DNAAF1: variants seen among roughly 807,000 people sequenced by gnomAD.
DNAAF1 encodes dynein axonemal assembly factor 1, also known as dynein assembly factor 1, axonemal.
DNAAF1 carries 65 observed loss-of-function variants against 71.1 expected under a neutral mutation model. The observed-to-expected ratio is 0.91, with a 90% CI of 0.75 to 1.12. The LOEUF (loss-of-function observed/expected upper bound fraction) is 1.12, where lower values mean the gene tolerates loss of function less well. Among genes scored for constraint, DNAAF1 ranks in the 50% most tolerant of loss-of-function variants. The pLI, the probability that DNAAF1 is intolerant of heterozygous loss-of-function variation, is 0.00. For synonymous variants in DNAAF1, 414 were observed against 354.6 expected (o/e 1.17, Z -1.88); for missense variants, 1,178 against 899.8 (o/e 1.31, Z -3.96).
chr16:84,163,310 G>A (rs1253171603), intron 6 of DNAAF1, among the ~76,000 whole-genome samples: 2 of 151,516 alleles, frequency 1.3e-5, no homozygotes, highest in East Asian at 3.9e-4. Flanking sequence ...AGTGTAGGAA[G>A]GTTCCAATTT....
chr16:84,159,885 GA>G lies in DNAAF1; in HGVS notation c.863+92del. ...AACTTTTTAAATTTCTGATTCTTGA[GA>G]AATTTCACATATCAAAAATGTTCTT... On this transcript the variant is annotated intron_variant, in intron 6 of 11. Transcript: ENST00000378553. 2.0e-6 allele frequency: 3 copies of G among 1,489,042 alleles called. No homozygotes were observed. The South Asian group carries it at 3.5e-5, about 18-fold the overall frequency. 92.2% of individuals were successfully genotyped at this position (1,489,042 alleles called of 1,614,324 possible).
intron 8 of DNAAF1, among the ~76,000 whole-genome samples, chr16:84,171,986 T>TCCTG (rs1390967218): frequency 6.6e-6 from 1 of 151,664 alleles, no homozygotes; most frequent in East Asian, 1.9e-4. Context: ...CAAGCTATTC[T>TCCTG]CCTGCCTCAG....
At chr16:84,164,958 G>A (rs1180636603) in intron 6 of DNAAF1, among the ~76,000 whole-genome samples, 11 of 152,250 alleles carry the variant, frequency 7.2e-5, no homozygotes, top group Middle Eastern at 3.4e-3. Flanking sequence ...TAGCCATCTT[G>A]TAGCCATATC....
intron 1 of DNAAF1, among the ~76,000 whole-genome samples, chr16:84,147,558 G>A (rs2086970702): frequency 1.3e-5 from 2 of 151,574 alleles, no homozygotes; most frequent in Admixed American, 6.6e-5. Flanking sequence ...TGTTACCCAG[G>A]CTAGATCTTC....
At chr16:84,146,534 T>C (rs2086919642) in intron 1 of DNAAF1, among the ~76,000 whole-genome samples, 1 of 152,082 alleles carries the variant, frequency 6.6e-6, no homozygotes, top group Admixed American at 6.5e-5. Context: ...CTGGCCAACA[T>C]ATTGAAACCC....
At chr16:84,153,140 T>C (rs1200029725) in intron 3 of DNAAF1, among the ~76,000 whole-genome samples, 1 of 151,992 alleles carries the variant, frequency 6.6e-6, no homozygotes, top group Non-Finnish European at 1.5e-5. Flanking sequence ...GTTGTGGCTA[T>C]CTTAAAGAAA....
chr16:84,170,447 G>A (rs2088271170), intron 8 of DNAAF1, 91 bp downstream of exon 8: 1 of 1,585,148 alleles, frequency 6.3e-7, no homozygotes, highest in Non-Finnish European at 8.6e-7. Flanking sequence ...TGGGGCCTGA[G>A]TTTCACTTCT....
chr16:84,168,791 C>G (rs901808002), intron 7 of DNAAF1, among the ~76,000 whole-genome samples: 1 of 149,744 alleles, frequency 6.7e-6, no homozygotes, highest in Non-Finnish European at 1.5e-5. Flanking sequence ...TTAATAGATT[C>G]TGTGGTTTTT....
chr16:84,176,324 A>G (rs2088654545), intron 11 of DNAAF1, 25 bp downstream of exon 11: 2 of 1,612,752 alleles, frequency 1.2e-6, no homozygotes, highest in Non-Finnish European at 1.7e-6. Context: ...CCGAGAGCAC[A>G]GTGGAGACAA....
chr16:84,169,614 T>C (rs917723540), intron 7 of DNAAF1, among the ~76,000 whole-genome samples: 1 of 151,526 alleles, frequency 6.6e-6, no homozygotes, highest in African/African-American at 2.4e-5. Flanking sequence ...GGAGATGGGG[T>C]TTCGTCATGT....
chr16:84,170,228 C>A lies in DNAAF1; in HGVS notation c.1400C>A (p.Thr467Asn), dbSNP rs753030611. 4 of 1,612,022 alleles carry A rather than the reference C, an allele frequency of 2.5e-6. No individual in the cohort carries two copies. The highest frequency in any genetic ancestry group is 1.7e-5 in the Admixed American group (1 of 59,616). The change falls in exon 8 of 12, where the codon ACC (threonine) becomes AAC (asparagine). Residue 467 changes from threonine to asparagine, a missense_variant. By Grantham distance (65) the Thr-to-Asn change is moderately conservative. Transcript: ENST00000378553. ...GEDGDQEPEGTLPAETLLLSP... is the reference protein window; with the variant it reads ...GEDGDQEPEGNLPAETLLLSP... ...GATGGAGATCAAGAGCCAGAGGGGA[C>A]CCTCCCAGCTGAGACCCTGCTACTG...
intron 5 of DNAAF1, chr16:84,159,134 C>G: frequency 1.0e-6 from 1 of 992,692 alleles, no homozygotes; most frequent in East Asian, 1.1e-4. Flanking sequence ...CCCCTTCCTC[C>G]TCCCTGGTCC....
intron 6 of DNAAF1, among the ~76,000 whole-genome samples, chr16:84,165,348 G>A (rs946051517): frequency 6.6e-6 from 1 of 151,928 alleles, no homozygotes. Flanking sequence ...TCTTTGAGTT[G>A]TCTTTTTACT....
chr16:84,162,802 G>T lies in DNAAF1; in HGVS notation c.864-2981G>T, dbSNP rs370788069. On this transcript the variant is annotated intron_variant, in intron 6 of 11. Coordinates refer to ENST00000378553, the MANE Select transcript of DNAAF1 (RefSeq NM_178452.6). The stretch of plus-strand genomic sequence containing the variant: ...CCACTGCACTCCAGCCTGGGTGACA[G>T]TGGGAGACTGTCTCAAAAAAACAAA... 1.6e-3 allele frequency among the ~76,000 whole-genome samples: 236 copies of T among 152,102 alleles called. 5 individuals carry two copies. The South Asian group carries it at 0.046, about 29-fold the overall frequency.
intron 4 of DNAAF1, among the ~76,000 whole-genome samples, chr16:84,155,260 G>A (rs530672622): frequency 6.6e-6 from 1 of 152,212 alleles, no homozygotes; most frequent in South Asian, 2.1e-4. Context: ...ATGGGGTCTT[G>A]CTCTGTCACC....
intron 3 of DNAAF1, 52 bp downstream of exon 3, chr16:84,150,394 A>G (rs2087127561): frequency 7.1e-7 from 1 of 1,418,398 alleles, no homozygotes; most frequent in Non-Finnish European, 1.0e-6. Flanking sequence ...GATTCTGTCT[A>G]GCGGTATAAA....
At chr16:84,148,596 C>CTTGTTTTTTTTTTTTTTTTTTTTTTTTTT (rs2087032019) in intron 1 of DNAAF1, among the ~76,000 whole-genome samples, 1 of 43,576 alleles carries the variant, frequency 2.3e-5, no homozygotes, top group African/African-American at 9.2e-5. Flanking sequence ...CTCTCTCTCT[C>CTTGTTTTTTTTTTTTTTTTTTTTTTTTTT]TTTTTTTTTT....
rs745857720 is a variant in DNAAF1 at position 84,165,791 on chromosome 16, C to T, written c.872C>T (p.Ala291Val). The T allele has an allele frequency of 3.2e-5, 52 of 1,613,260 alleles. No homozygotes were observed. The highest frequency in any genetic ancestry group is 4.0e-5 in the Non-Finnish European group (47 of 1,179,820). ...CTTTGTTTTTTAAACAGAGCTTGTG[C>T]GGAGGCCTGGGCTAGGGGAGGGTAC... is the stretch of plus-strand genomic sequence containing the variant. ...RPVFPKDRAC[A>V]EAWARGGYAA... The change falls in exon 7 of 12, where the codon GCG (alanine) becomes GTG (valine). Residue 291 changes from alanine (A) to valine (V), a missense_variant. By Grantham distance (64) the Ala-to-Val change is moderately conservative. Coordinates refer to ENST00000378553, the MANE Select transcript of DNAAF1 (RefSeq NM_178452.6).
chr16:84,147,408 C>G (rs911295016), intron 1 of DNAAF1, among the ~76,000 whole-genome samples: 1 of 152,098 alleles, frequency 6.6e-6, no homozygotes, highest in Admixed American at 6.6e-5. Flanking sequence ...TTGAATTGGC[C>G]AATTTTGAAT....
Sources: allele counts gnomAD v4.1 joint callset (sites outside exome capture counted in the v4.1 genomes callset), GRCh38; gene constraint gnomAD v4.1.1; transcripts MANE v1.5; gene names NCBI Gene and HGNC (gene_info 2026-07-23, HGNC 2026-07-21).